The following EPB41L3 variants were observed in gnomAD, a reference collection of about 807,000 sequenced individuals.
The protein encoded by EPB41L3 is band 4.1-like protein 3.
EPB41L3 carries 57 observed loss-of-function variants against 127.1 expected under a neutral mutation model. That is an observed-to-expected ratio of 0.45 (90% CI 0.36 to 0.56). EPB41L3 has a LOEUF of 0.56. Among genes scored for constraint, EPB41L3 ranks in the 20% least tolerant of loss-of-function variants. The pLI is 0.00. For missense variants in EPB41L3, 1,273 were observed against 1,372.2 expected, an observed-to-expected ratio of 0.93 and a Z score of 1.14; for synonymous variants, 572 against 549.5, an observed-to-expected ratio of 1.04 and a Z score of -0.57.
rs577376087 is a variant in EPB41L3, at chr18:5,618,231, G to A, written c.-467-3808C>T. ...TATCACTCTAGTCTTTTCACCCTAA[G>A]GCTAAAAAAGCCAGAGACTGAAGAA... is the stretch of plus-strand genomic sequence containing the variant. On this transcript the variant is annotated intron_variant, in intron 1 of 21. Coordinates refer to the EPB41L3 transcript ENST00000545076. Among the ~76,000 whole-genome samples the A allele has an allele frequency of 2.6e-4, 40 of 152,162 alleles. No homozygotes were observed. The South Asian group carries it at 2.7e-3, about 10-fold the overall frequency.
intron 3 of EPB41L3, among the ~76,000 whole-genome samples, chr18:5,473,957 T>G (rs1443455473): frequency 6.6e-6 from 1 of 151,780 alleles, no homozygotes; most frequent in Non-Finnish European, 1.5e-5. Context: ...CTCAGCCGGG[T>G]GTGGTGGCTC....
At chr18:5,593,913 C>G (rs1568620821) in intron 3 of EPB41L3, among the ~76,000 whole-genome samples, 1 of 152,226 alleles carries the variant, frequency 6.6e-6, no homozygotes, top group African/African-American at 2.4e-5. Flanking sequence ...TTAAGGTGAT[C>G]TCTCTTGTTC....
chr18:5,448,218 A>G (rs1052448974), intron 3 of EPB41L3, among the ~76,000 whole-genome samples: 1 of 152,186 alleles, frequency 6.6e-6, no homozygotes, highest in Non-Finnish European at 1.5e-5. Context: ...TTGCACCCAG[A>G]TCGGGCATCA....
chr18:5,474,480 G>A (rs780478846), intron 3 of EPB41L3, among the ~76,000 whole-genome samples: 14 of 152,020 alleles, frequency 9.2e-5, no homozygotes, highest in Non-Finnish European at 2.1e-4. Flanking sequence ...TGTGTGTGTG[G>A]AGGTGTGTTG....
At position 5,615,905 on chromosome 18, in the gene EPB41L3, TC is replaced by T. The variant is rs2094789186; in HGVS notation, c.-467-1483del. ...CACCTTTCACAGGCCTGAAATCCCCTCCAACTGGGAAGTCCTAGTTCTGTGC... is the reference window on the plus strand; with the variant it reads ...CACCTTTCACAGGCCTGAAATCCCCTCAACTGGGAAGTCCTAGTTCTGTGC... On this transcript the variant is annotated intron_variant, in intron 1 of 21. Coordinates refer to the EPB41L3 transcript ENST00000545076. Among the ~76,000 whole-genome samples the T allele has an allele frequency of 2.6e-5, 4 of 152,148 alleles. No homozygotes were observed. The East Asian group carries it at 7.7e-4, about 29-fold the overall frequency.
intron 5 of EPB41L3, among the ~76,000 whole-genome samples, chr18:5,440,996 C>A (rs1040552185): frequency 6.6e-6 from 1 of 152,132 alleles, no homozygotes; most frequent in African/African-American, 2.4e-5. Flanking sequence ...ACCCCCTCAG[C>A]CTCCCTAGTA....
At chr18:5,492,953 G>A (rs1262207474) in intron 1 of EPB41L3, among the ~76,000 whole-genome samples, 11 of 152,136 alleles carry the variant, frequency 7.2e-5, no homozygotes, top group Non-Finnish European at 1.5e-5. Context: ...GCATGTGCAG[G>A]TGTGAATGAA....
chr18:5,593,898 A>C (rs1023159551), intron 3 of EPB41L3, among the ~76,000 whole-genome samples: 1 of 152,214 alleles, frequency 6.6e-6, no homozygotes, highest in Non-Finnish European at 1.5e-5. Context: ...ACCGGCGGTC[A>C]GAGTTTAAGG....
chr18:5,396,956 G>A (rs2073624222), intron 18 of EPB41L3, 102 bp downstream of exon 18: 1 of 1,236,144 alleles, frequency 8.1e-7, no homozygotes, highest in Non-Finnish European at 1.1e-6. Context: ...CATGGGAGAG[G>A]CAGAAAATTA....
chr18:5,430,851 G>T (rs2078915728), intron 8 of EPB41L3, among the ~76,000 whole-genome samples: 2 of 151,824 alleles, frequency 1.3e-5, no homozygotes, highest in African/African-American at 4.8e-5. Flanking sequence ...CCACCTTGCT[G>T]GGCCTGAGAA....
rs199544645 is a variant in EPB41L3, at chr18:5,558,659, C to G, written c.-306+53681G>C. ...GCTGTGAAGTAAGTTTCTTAACCTTCAAGGCCTCAGTGTCTTCACTGCAAA... is the reference window on the plus strand; with the variant it reads ...GCTGTGAAGTAAGTTTCTTAACCTTGAAGGCCTCAGTGTCTTCACTGCAAA... On this transcript the variant is annotated intron_variant, in intron 3 of 21. Transcript: ENST00000545076. Among the ~76,000 whole-genome samples, 23 of 152,300 alleles carry G rather than the reference C, an allele frequency of 1.5e-4. No homozygotes were observed. In the East Asian group the frequency reaches 2.9e-3, roughly 19 times the overall value.
chr18:5,442,606 T>C (rs935463461), intron 5 of EPB41L3, among the ~76,000 whole-genome samples: 9 of 152,334 alleles, frequency 5.9e-5, no homozygotes, highest in East Asian at 1.9e-4. Flanking sequence ...GTTTTACTTA[T>C]TGAAATGGGA....
Position 5,543,657 on chromosome 18 carries a change from C to G in EPB41L3, c.-12+256G>C, listed in dbSNP as rs2093812401. ...CTGCGCGCCGGCCCAGCCACTACTGCGCCGCGGCGGGCGGAGCGGGCGGGG... is the reference window on the plus strand; with the variant it reads ...CTGCGCGCCGGCCCAGCCACTACTGGGCCGCGGCGGGCGGAGCGGGCGGGG... On this transcript the variant is annotated intron_variant, in intron 1 of 22. Coordinates refer to ENST00000341928, the MANE Select transcript of EPB41L3 (RefSeq NM_012307.5). This position sits in a 1 kb window ranked among gnomAD's most constrained non-coding sequence, Gnocchi z 5.2. 6.8e-6 allele frequency among the ~76,000 whole-genome samples: 1 copy of G among 146,924 alleles called. No individual in the cohort carries two copies. The highest frequency in any genetic ancestry group is 2.4e-5 in the African/African-American group (1 of 40,898).
intron 12 of EPB41L3, among the ~76,000 whole-genome samples, chr18:5,418,613 G>A (rs373885998): frequency 2.0e-5 from 3 of 152,198 alleles, no homozygotes; most frequent in Admixed American, 6.5e-5. Context: ...AAAAGTTATC[G>A]AAATATCCCT....
chr18:5,438,068 G>A lies in EPB41L3; in HGVS notation c.572C>T (p.Pro191Leu). ...HFSFNVKFYP[P>L]DPAQLSEDIT... ...ATCTTCAGATAGTTGGGCAGGGTCT[G>A]GTGGATAAAATTTCACATTAAATGA... Residue 191 changes from proline to leucine, a missense_variant, in exon 6 of 23, where the codon CCA (proline) becomes CTA (leucine). Transcript: ENST00000341928. 6.2e-7 allele frequency: 1 copy of A among 1,613,780 alleles called. No individual in the cohort carries two copies. Among genetic ancestry groups the A allele is most frequent in the Non-Finnish European group, 8.5e-7 (1 of 1,179,904 alleles).
At chr18:5,434,834 A>G (rs2079525875) in intron 6 of EPB41L3, among the ~76,000 whole-genome samples, 1 of 152,208 alleles carries the variant, frequency 6.6e-6, no homozygotes, top group East Asian at 1.9e-4. Context: ...TATTTGTAAA[A>G]ATAAAAAGTT....
chr18:5,630,625 C>T (rs2094983494), upstream of EPB41L3: 1 of 451,640 alleles, frequency 2.2e-6, no homozygotes, highest in South Asian at 1.6e-5. Flanking sequence ...GGTGGCGGCA[C>T]CTCCAAGTTG....
chr18:5,399,214 G>A (rs1424467561), intron 16 of EPB41L3: 12 of 398,764 alleles, frequency 3.0e-5, no homozygotes, highest in South Asian at 1.3e-4. Context: ...TGCATTTCTC[G>A]AGCCAATTCT....
intron 3 of EPB41L3, among the ~76,000 whole-genome samples, chr18:5,446,292 T>C (rs1196581609): frequency 2.0e-5 from 3 of 152,192 alleles, no homozygotes; most frequent in Non-Finnish European, 2.9e-5. Flanking sequence ...AATAGGGATA[T>C]ATGAGTTATA....
Sources: gnomAD v4.1 joint callset for allele counts (sites outside exome capture counted in the v4.1 genomes callset) on GRCh38, gnomAD v4.1.1 for gene constraint, Gnocchi (gnomAD v3.1) non-coding constraint, MANE v1.5 for transcripts, NCBI Gene and HGNC (gene_info 2026-07-23, HGNC 2026-07-21) for gene names.